Variants in DKK2 observed in about 807,000 individuals in gnomAD.
DKK2 encodes dickkopf Wnt signaling pathway inhibitor 2.
In DKK2, 11 loss-of-function variants were observed where a neutral mutation model predicts 28.1. That is an observed-to-expected ratio of 0.39 (90% CI 0.25 to 0.65). DKK2 has a LOEUF of 0.65. Ranked by LOEUF, DKK2 falls within the 30% of genes least tolerant of loss-of-function variation. The pLI, the probability that DKK2 is intolerant of heterozygous loss-of-function variation, is 0.47. For missense variants in DKK2, 326 were observed against 335.5 expected, an observed-to-expected ratio of 0.97 and a Z score of 0.22; for synonymous variants, 135 against 126.5, an observed-to-expected ratio of 1.07 and a Z score of -0.45.
At position 107,035,230 on chromosome 4, in the gene DKK2, G is replaced by A. The variant is rs554947081; in HGVS notation, c.222+140C>T. On this transcript the variant is annotated intron_variant, in intron 1 of 3. Coordinates refer to ENST00000285311, the MANE Select transcript of DKK2 (RefSeq NM_014421.3). ...CCCCCCGCCCACGCAGACCCTGTTC[G>A]GTGAATCCCTCCCCAGCCGCCTGTT... 328 of 994,856 alleles carry A rather than the reference G, an allele frequency of 3.3e-4. No individual in the cohort carries two copies. The African/African-American group carries it at 4.8e-3, about 15-fold the overall frequency. 61.6% of individuals were successfully genotyped at this position (994,856 alleles called of 1,614,324 possible).
chr4:107,027,755 G>GTTTTTTTTTTT (rs1404063316), intron 1 of DKK2, among the ~76,000 whole-genome samples: 5 of 124,028 alleles, frequency 4.0e-5, no homozygotes, highest in Non-Finnish European at 5.2e-5. Flanking sequence ...CACCTATTAT[G>GTTTTTTTTTTT]ATTTTTTTTT....
At chr4:106,930,663 G>A (rs1192289439) in intron 1 of DKK2, among the ~76,000 whole-genome samples, 2 of 152,072 alleles carry the variant, frequency 1.3e-5, no homozygotes, top group Non-Finnish European at 2.9e-5. Context: ...TGTTTTAATC[G>A]GGACAATCCT....
intron 1 of DKK2, among the ~76,000 whole-genome samples, chr4:106,982,551 G>A (rs929964200): frequency 2.0e-5 from 3 of 152,168 alleles, no homozygotes; most frequent in African/African-American, 7.2e-5. Context: ...AATCATGAAA[G>A]TGCATAACTA....
intron 1 of DKK2, among the ~76,000 whole-genome samples, chr4:106,967,655 G>T (rs1722802744): frequency 6.6e-6 from 1 of 151,928 alleles, no homozygotes; most frequent in Admixed American, 6.6e-5. Flanking sequence ...TGTGAAATCT[G>T]GTACCTAGCA....
In DKK2 at chr4:106,922,503, A is replaced by G. The variant is rs994700949; in HGVS notation, c.*1451T>C. ...TATCCTACTTATATTTTTTAACCGC[A>G]ATGGCTGCAGAAAACCGAAACTAGC... On this transcript the variant is annotated 3_prime_UTR_variant, in exon 4 of 4. Coordinates refer to ENST00000285311, the MANE Select transcript of DKK2 (RefSeq NM_014421.3). 1 of 152,202 alleles carries G rather than the reference A, an allele frequency of 6.6e-6. No homozygotes were observed. The highest frequency in any genetic ancestry group is 1.5e-5 in the Non-Finnish European group (1 of 68,040). The allele number at this position is 152,202 out of a possible 1,614,324, so 9.4% of individuals were successfully genotyped here.
chr4:106,931,085 G>C (rs1267894108), intron 1 of DKK2, among the ~76,000 whole-genome samples: 1 of 152,122 alleles, frequency 6.6e-6, no homozygotes, highest in Non-Finnish European at 1.5e-5. Context: ...CAATCTGCCT[G>C]TGTGCTGTTG....
chr4:107,025,759 T>C (rs939624922), intron 1 of DKK2, among the ~76,000 whole-genome samples: 3 of 152,248 alleles, frequency 2.0e-5, no homozygotes, highest in African/African-American at 7.2e-5. Flanking sequence ...TGTTTAAAAC[T>C]GATTGACACA....
At chr4:107,022,406 G>T (rs1016443444) in intron 1 of DKK2, among the ~76,000 whole-genome samples, 1 of 152,090 alleles carries the variant, frequency 6.6e-6, no homozygotes, top group Non-Finnish European at 1.5e-5. Context: ...AAGGTCTGTA[G>T]CTGGTTTCTC....
intron 1 of DKK2, among the ~76,000 whole-genome samples, chr4:106,999,410 A>G (rs1163523340): frequency 1.3e-5 from 2 of 152,138 alleles, no homozygotes; most frequent in African/African-American, 4.8e-5. Context: ...GCAGTGGCAC[A>G]ATCTTGGCTC....
intron 1 of DKK2, among the ~76,000 whole-genome samples, chr4:106,991,271 C>T (rs1723199691): frequency 6.6e-6 from 1 of 152,132 alleles, no homozygotes; most frequent in African/African-American, 2.4e-5. Context: ...CTACAATCTA[C>T]TACAGCTGCC....
chr4:106,955,846 C>T (rs1057377626), intron 1 of DKK2, among the ~76,000 whole-genome samples: 30 of 152,098 alleles, frequency 2.0e-4, no homozygotes, highest in African/African-American at 7.0e-4. Context: ...ATATATTACC[C>T]TTCTGTCAAG....
At chr4:106,990,179 AAATT>A (rs571859964) in intron 1 of DKK2, among the ~76,000 whole-genome samples, 93 of 152,190 alleles carry the variant, frequency 6.1e-4, no homozygotes, top group Non-Finnish European at 1.2e-3. Flanking sequence ...ACTAATTAAT[AAATT>A]AATTTTTCCT....
chr4:106,924,569 G>A lies in DKK2; in HGVS notation c.505C>T (p.His169Tyr), dbSNP rs542381258. 6 of 1,613,752 alleles carry A rather than the reference G, an allele frequency of 3.7e-6. No homozygotes were observed. The Admixed American group carries it at 5.0e-5, about 13-fold the overall frequency. ...DLGWQNLGRPHTKMSHIKGHE... is the reference protein window; with the variant it reads ...DLGWQNLGRPYTKMSHIKGHE... ...CCTTTTATATGTGACATCTTAGTGTGTGGTCTTCCTAGATTCTGCCATCCC... is the reference window on the plus strand; with the variant it reads ...CCTTTTATATGTGACATCTTAGTGTATGGTCTTCCTAGATTCTGCCATCCC... The change falls in exon 3 of 4, where the codon CAC becomes TAC. Residue 169 changes from histidine (H) to tyrosine (Y), a missense_variant. Transcript: ENST00000285311.
In DKK2 at chr4:106,986,560, T is replaced by A. The variant is rs933405828; in HGVS notation, c.222+48810A>T. On this transcript the variant is annotated intron_variant, in intron 1 of 3. Coordinates refer to ENST00000285311, the MANE Select transcript of DKK2 (RefSeq NM_014421.3). Reference sequence around the variant, plus strand: ...TACAAATTTTAATGCAGATTGGCAATCATAGTGTGGAATAACAGTTTATTC... The same window carrying A: ...TACAAATTTTAATGCAGATTGGCAAACATAGTGTGGAATAACAGTTTATTC... 5.9e-5 allele frequency among the ~76,000 whole-genome samples: 9 copies of A among 152,324 alleles called. 1 individual carries two copies. Among genetic ancestry groups the A allele is most frequent in the Admixed American group, 5.9e-4 (9 of 15,304 alleles).
rs1028434407 is a variant in DKK2 at position 106,950,120 on chromosome 4, A to G, written c.223-24171T>C. On this transcript the variant is annotated intron_variant, in intron 1 of 3. Transcript: ENST00000285311. Reference sequence around the variant, plus strand: ...CAGTAGATACATATGTTTTGCAAAAATGTTTTAGGTAAGGAAGGATTTCTT... The same window carrying G: ...CAGTAGATACATATGTTTTGCAAAAGTGTTTTAGGTAAGGAAGGATTTCTT... Among the ~76,000 whole-genome samples, 9 of 152,314 alleles carry G rather than the reference A, an allele frequency of 5.9e-5. 1 individual carries two copies. The highest frequency in any genetic ancestry group is 5.9e-4 in the Admixed American group (9 of 15,280).
intron 1 of DKK2, among the ~76,000 whole-genome samples, chr4:106,936,228 G>A (rs1724585894): frequency 6.6e-6 from 1 of 152,030 alleles, no homozygotes. Context: ...AAAAAATTTA[G>A]AAGAATGTAT....
rs1192228309 is a variant in DKK2, at chr4:106,921,855, C to A, written c.*2099G>T. 1 of 152,466 alleles carries A rather than the reference C, an allele frequency of 6.6e-6. No individual in the cohort carries two copies. The highest frequency in any genetic ancestry group is 2.4e-5 in the African/African-American group (1 of 41,514). The allele number at this position is 152,466 out of a possible 1,614,324, so 9.4% of individuals were successfully genotyped here. A position where few individuals can be genotyped will look rare whatever the true frequency, so the allele number is the denominator to read the frequency against. ...AGATTTTATCTTATTATACATTTTTCCTAAATTACAAAGTCAATAGCTGCA... is the reference window on the plus strand; with the variant it reads ...AGATTTTATCTTATTATACATTTTTACTAAATTACAAAGTCAATAGCTGCA... On this transcript the variant is annotated 3_prime_UTR_variant, in exon 4 of 4. Coordinates refer to ENST00000285311, the MANE Select transcript of DKK2 (RefSeq NM_014421.3).
chr4:107,022,539 G>A (rs926035377), intron 1 of DKK2, among the ~76,000 whole-genome samples: 1 of 152,082 alleles, frequency 6.6e-6, no homozygotes, highest in Non-Finnish European at 1.5e-5. Flanking sequence ...TGGCTTGAGG[G>A]ACACAGTAGC....
intron 1 of DKK2, among the ~76,000 whole-genome samples, chr4:106,980,710 T>C (rs1365428940): frequency 6.6e-6 from 1 of 152,204 alleles, no homozygotes; most frequent in Non-Finnish European, 1.5e-5. Flanking sequence ...TCAACATGCT[T>C]ATTAAGCAGG....
Sources: gnomAD v4.1 joint callset for allele counts (sites outside exome capture counted in the v4.1 genomes callset) on GRCh38, gnomAD v4.1.1 for gene constraint, MANE v1.5 for transcripts, NCBI Gene and HGNC (gene_info 2026-07-23, HGNC 2026-07-21) for gene names.